Variants in MUC6 observed in about 807,000 individuals in gnomAD.
The protein encoded by MUC6 is mucin-6.
MUC6 carries 188 observed loss-of-function variants against 201.5 expected under a neutral mutation model. The observed-to-expected ratio is 0.93, with a 90% confidence interval of 0.83 to 1.05. MUC6 has a LOEUF of 1.05. MUC6 is among the 50% of genes least tolerant of loss of function. The pLI is 0.00. For synonymous variants in MUC6, 1,228 were observed against 1,389.4 expected (o/e 0.88, Z 2.58); for missense variants, 2,706 against 3,256.9 (o/e 0.83, Z 4.12).
At chr11:1,013,833 CCT>C in intron 32 of MUC6, 64 bp downstream of exon 32, 1 of 1,521,288 alleles carries the variant, frequency 6.6e-7, no homozygotes, top group Non-Finnish European at 8.9e-7. Flanking sequence ...GGTGCCCGAA[CCT>C]CTCTGGGGTG....
chr11:1,028,579 T>G (rs1857022676), intron 13 of MUC6, 67 bp downstream of exon 13: 2 of 1,571,930 alleles, frequency 1.3e-6, no homozygotes, highest in Admixed American at 3.7e-5. Flanking sequence ...ACCTTTCTCC[T>G]CCCCTGGTCA....
Position 1,030,697 on chromosome 11 carries a change from C to A in MUC6, c.768G>T (p.Ala256=). The A allele has an allele frequency of 6.5e-7, 1 of 1,548,356 alleles. No homozygotes were observed. Among genetic ancestry groups the A allele is most frequent in the East Asian group, 2.4e-5 (1 of 41,140 alleles). Residue 256 remains alanine (A), a synonymous_variant, in exon 7 of 33, where the codon GCG becomes GCT. Transcript: ENST00000421673. ...CTGGCTGGGGGGCTGCGGCCACGTCCGCCTGGCAGCTTAGCACGAAGGGCT... is the reference window on the plus strand; with the variant it reads ...CTGGCTGGGGGGCTGCGGCCACGTCAGCCTGGCAGCTTAGCACGAAGGGCT... ...SKEPFVLSCQ[A]DVAAAPQPGP...
In MUC6 at chr11:1,013,304, G is replaced by A. The variant is rs1856519818; in HGVS notation, c.*152C>T. The A allele has an allele frequency of 2.7e-6, 2 of 731,938 alleles. No individual in the cohort carries two copies. Among genetic ancestry groups the A allele is most frequent in the South Asian group, 1.9e-5 (1 of 52,592 alleles). 45.3% of individuals were successfully genotyped at this position (731,938 alleles called of 1,614,324 possible). On this transcript the variant is annotated 3_prime_UTR_variant, in exon 33 of 33. Coordinates refer to ENST00000421673, the MANE Select transcript of MUC6 (RefSeq NM_005961.3). ...CCTGCTTGGCAGCCCCTCTCCAACC[G>A]GTGCCCCAGGGAGCCACGGCCCAGG...
intron 24 of MUC6, among the ~76,000 whole-genome samples, 182 bp from the exon 25 acceptor site, chr11:1,024,285 T>TG (rs1856897208): frequency 6.6e-6 from 1 of 152,174 alleles, no homozygotes; most frequent in African/African-American, 2.4e-5. Flanking sequence ...GAGCCGATGC[T>TG]GCCACGGAGG....
intron 18 of MUC6, 36 bp downstream of exon 18, chr11:1,027,105 A>G (rs1216908040): frequency 1.2e-6 from 2 of 1,611,398 alleles, no homozygotes; most frequent in South Asian, 2.2e-5. Context: ...GGGGCCCCTC[A>G]CAGTCCCAGC....
rs555904032 is a variant in MUC6, at chr11:1,032,869, G to A, written c.115+144C>T. 95 of 637,720 alleles carry A rather than the reference G, an allele frequency of 1.5e-4. No homozygotes were observed. In the African/African-American group the frequency reaches 1.6e-3, roughly 11 times the overall value. 39.5% of individuals were successfully genotyped at this position (637,720 alleles called of 1,614,324 possible). ...TATTGGGTATGTGTGTGTGTTGGGT[G>A]TATGTGCATGTGTGTTCATGTTGGT... On this transcript the variant is annotated intron_variant, in intron 2 of 32. Coordinates refer to ENST00000421673, the MANE Select transcript of MUC6 (RefSeq NM_005961.3).
At chr11:1,020,330 G>A in intron 28 of MUC6, 73 bp from the exon 29 acceptor site, 1 of 1,517,038 alleles carries the variant, frequency 6.6e-7, no homozygotes, top group Non-Finnish European at 8.8e-7. Context: ...CCCTCTGCCT[G>A]CTTGGCCCTG....
In MUC6 at chr11:1,016,958, C is replaced by T. The variant is rs200816929; in HGVS notation, c.5843G>A (p.Arg1948Lys). The change falls in exon 31 of 33, where the codon AGA (arginine) becomes AAA (lysine). Residue 1948 changes from arginine (R) to lysine (K), a missense_variant. Around this residue, in one of 10 missense-constraint regions of MUC6, gnomAD observed 20 missense variants for 128.3 expected, o/e 0.16. Coordinates refer to ENST00000421673, the MANE Select transcript of MUC6 (RefSeq NM_005961.3). ...ITPKHTSTGT[R>K]TPVAHTTSAS... ...CGAGGTGGTGTGGGCCACAGGGGTTCTGGTGCCTGTACTGGTGTGTTTGGG... is the reference window on the plus strand; with the variant it reads ...CGAGGTGGTGTGGGCCACAGGGGTTTTGGTGCCTGTACTGGTGTGTTTGGG... The T allele has an allele frequency of 2.2e-5, 35 of 1,606,684 alleles. No individual in the cohort carries two copies. The African/African-American group carries it at 4.0e-4, about 18-fold the overall frequency.
Position 1,029,213 on chromosome 11 carries a change from C to T in MUC6, c.1275+15G>A, listed in dbSNP as rs2133832950. On this transcript the variant is annotated intron_variant, in intron 10 of 32. Coordinates refer to ENST00000421673, the MANE Select transcript of MUC6 (RefSeq NM_005961.3). Reference sequence around the variant, plus strand: ...CGGGAGCGCCCCTCCCCACGGGCCACAGGGCTCGTCCTACCTGGAGGAGGA... The same window carrying T: ...CGGGAGCGCCCCTCCCCACGGGCCATAGGGCTCGTCCTACCTGGAGGAGGA... The T allele has an allele frequency of 6.2e-7, 1 of 1,606,530 alleles. No homozygotes were observed. Among genetic ancestry groups the T allele is most frequent in the Non-Finnish European group, 8.5e-7 (1 of 1,177,198 alleles).
Position 1,013,460 on chromosome 11 carries a change from T to C in MUC6, c.7316A>G (p.Asp2439Gly), listed in dbSNP as rs755466257. 5.4e-5 allele frequency: 86 copies of C among 1,578,624 alleles called. No individual in the cohort carries two copies. The highest frequency in any genetic ancestry group is 9.1e-5 in the Admixed American group (5 of 55,240). Residue 2439 changes from aspartate to glycine, a missense_variant, in exon 33 of 33, where the codon GAC becomes GGC. By Grantham distance (94) the Asp-to-Gly change is moderately conservative (BLOSUM62 -1). This residue lies in a region of MUC6 where 586 missense variants were observed against 488.0 expected (regional missense o/e 1.20). Transcript: ENST00000421673. ...GGAGAGCAGGCAGCGACCCTGCTAGTCTCCACAGGCCACAGAGCTGCACAC... is the reference window on the plus strand; with the variant it reads ...GGAGAGCAGGCAGCGACCCTGCTAGCCTCCACAGGCCACAGAGCTGCACAC... ...HCVCSSVACG[D>G]
chr11:1,015,159 T>C (rs914611580), intron 31 of MUC6, among the ~76,000 whole-genome samples: 3 of 152,114 alleles, frequency 2.0e-5, no homozygotes, highest in African/African-American at 7.2e-5. Context: ...TGAGGTGTGC[T>C]CTGTCCCCAG....
intron 1 of MUC6, among the ~76,000 whole-genome samples, chr11:1,035,659 T>A (rs1857199720): frequency 6.6e-6 from 1 of 151,566 alleles, no homozygotes; most frequent in Admixed American, 6.6e-5. Flanking sequence ...TGGGGTGGGC[T>A]TGGGTCGCCC....
chr11:1,020,338 C>T (rs988762181), intron 28 of MUC6, 81 bp from the exon 29 acceptor site: 42 of 1,505,462 alleles, frequency 2.8e-5, no homozygotes, highest in Non-Finnish European at 3.7e-5. Flanking sequence ...CTGCTTGGCC[C>T]TGAAGCCGGG....
intron 20 of MUC6, 55 bp downstream of exon 20, chr11:1,026,272 C>T (rs1436306295): frequency 6.5e-7 from 1 of 1,548,592 alleles, no homozygotes; most frequent in Admixed American, 2.0e-5. Context: ...GCAGCCTCCG[C>T]CTGCCCCAGA....
At chr11:1,024,787 G>A (rs1472612471) in intron 24 of MUC6, 57 bp downstream of exon 24, 100 of 991,158 alleles carry the variant, frequency 1.0e-4, no homozygotes, top group South Asian at 4.9e-4. Context: ...CCCTTCCCCC[G>A]CCCCCACCGG....
Position 1,029,097 on chromosome 11 carries a change from G to T in MUC6, c.1329C>A (p.Gly443=). The T allele has an allele frequency of 6.2e-7, 1 of 1,612,740 alleles. No homozygotes were observed. The highest frequency in any genetic ancestry group is 2.2e-5 in the East Asian group (1 of 44,868). The change falls in exon 11 of 33, where the codon GGC becomes GGA. Residue 443 remains glycine, a synonymous_variant. Transcript: ENST00000421673. ...GALMAVYDKS[G]VSHSETSLVA... is the part of the protein sequence containing the mutation. ...CCAGGGAGGTCTCGGAGTGTGAGAC[G>T]CCGGACTTGTCGTACACAGCCATGA...
chr11:1,020,621 G>C, intron 28 of MUC6, 63 bp downstream of exon 28: 1 of 1,605,854 alleles, frequency 6.2e-7, no homozygotes, highest in Non-Finnish European at 8.5e-7. Flanking sequence ...ATTTGTCCAG[G>C]GAACCGAGGG....
In MUC6 at chr11:1,033,047, T is replaced by TA. The variant is rs1348739485; in HGVS notation, c.80_81insT (p.Gly28ArgfsTer130). The TA allele has an allele frequency of 1.2e-6, 2 of 1,609,734 alleles. No individual in the cohort carries two copies. Among genetic ancestry groups the TA allele is most frequent in the Non-Finnish European group, 8.5e-7 (1 of 1,176,658 alleles). On this transcript the variant is annotated frameshift_variant, in exon 2 of 33. Coordinates refer to ENST00000421673, the MANE Select transcript of MUC6 (RefSeq NM_005961.3). LOFTEE classifies it high-confidence loss of function. This position sits in a 1 kb window ranked among gnomAD's most constrained non-coding sequence, Gnocchi z 5.6. ...GAGAGTCCTTCAGCCTCTGGAGGCCTGGGCTGGTGTAGGAGGTGTTAGCCA... is the reference window on the plus strand; with the variant it reads ...GAGAGTCCTTCAGCCTCTGGAGGCCTAGGGCTGGTGTAGGAGGTGTTAGCCA...
Position 1,013,589 on chromosome 11 carries a change from C to G in MUC6, c.7187G>C (p.Cys2396Ser). 1.9e-6 allele frequency: 3 copies of G among 1,567,916 alleles called. No homozygotes were observed. Among genetic ancestry groups the G allele is most frequent in the Non-Finnish European group, 2.6e-6 (3 of 1,158,130 alleles). ...CTGCTCATAGGAGTGGAGGGGGCGG[C>G]AGCAGCTGCAGCGGGCATCCACCTG... ...TQQVDARCSCCRPLHSYEQQL... is the reference protein window; with the variant it reads ...TQQVDARCSCSRPLHSYEQQL... Residue 2396 changes from cysteine (C) to serine (S), a missense_variant, in exon 33 of 33, where the codon TGC becomes TCC. By Grantham distance (112) the Cys-to-Ser change is moderately radical. Around this residue, in one of 10 missense-constraint regions of MUC6, gnomAD observed 586 missense variants for 488.0 expected, o/e 1.20. Coordinates refer to ENST00000421673, the MANE Select transcript of MUC6 (RefSeq NM_005961.3).
Sources: allele counts gnomAD v4.1 joint callset (sites outside exome capture counted in the v4.1 genomes callset), GRCh38; gene constraint gnomAD v4.1.1; regional missense constraint gnomAD v4.1.1; non-coding constraint Gnocchi (gnomAD v3.1); transcripts MANE v1.5; gene names NCBI Gene and HGNC (gene_info 2026-07-23, HGNC 2026-07-21).